SLC38A1: variants seen among roughly 807,000 people sequenced by gnomAD.
The protein encoded by SLC38A1 is solute carrier family 38 member 1.
In SLC38A1, 18 loss-of-function variants were observed where a neutral mutation model predicts 60.3. That is an observed-to-expected ratio of 0.30 (90% confidence interval 0.21 to 0.44). The LOEUF (loss-of-function observed/expected upper bound fraction) is 0.44, where lower values mean the gene tolerates loss of function less well. Among genes scored for constraint, SLC38A1 ranks in the 20% least tolerant of loss-of-function variants. The probability of loss-of-function intolerance (pLI) is 1.00; values close to 1 mark genes in which losing one functional copy is unlikely to be tolerated. For missense variants in SLC38A1, 448 were observed against 587.2 expected (o/e 0.76, Z 2.45); for synonymous variants, 196 against 212.1 (o/e 0.92, Z 0.66).
chr12:46,263,458 A>C (rs185506903), intron 1 of SLC38A1, among the ~76,000 whole-genome samples: 2 of 152,302 alleles, frequency 1.3e-5, no homozygotes, highest in Admixed American at 1.3e-4. Flanking sequence ...GTTGGCAACT[A>C]ATTTCAAATA....
intron 6 of SLC38A1, among the ~76,000 whole-genome samples, chr12:46,208,170 A>T (rs1338954229): frequency 6.6e-6 from 1 of 152,230 alleles, no homozygotes; most frequent in Non-Finnish European, 1.5e-5. Flanking sequence ...ATGTAGTTCA[A>T]ATACATGCAA....
intron 3 of SLC38A1, among the ~76,000 whole-genome samples, chr12:46,236,180 T>C (rs1302287840): frequency 1.3e-5 from 2 of 152,206 alleles, no homozygotes; most frequent in Non-Finnish European, 2.9e-5. Flanking sequence ...TTGGAAAAAT[T>C]AAGTAACTTG....
intron 1 of SLC38A1, chr12:46,254,857 A>G (rs1175537452): frequency 6.5e-6 from 1 of 153,184 alleles, no homozygotes; most frequent in African/African-American, 2.4e-5. Flanking sequence ...AGAGAAACAA[A>G]CATGCTCCAA....
At chr12:46,205,186 G>T (rs564282326) in intron 9 of SLC38A1, among the ~76,000 whole-genome samples, 110 of 152,064 alleles carry the variant, frequency 7.2e-4, no homozygotes, top group African/African-American at 2.6e-3. Flanking sequence ...GTAGCCTCTC[G>T]GGACTGCATT....
chr12:46,230,579 TAGAC>T (rs1941036791), intron 3 of SLC38A1, among the ~76,000 whole-genome samples: 1 of 152,156 alleles, frequency 6.6e-6, no homozygotes, highest in Non-Finnish European at 1.5e-5. Context: ...CAATAGATGT[TAGAC>T]AGTCTTCTCC....
intron 1 of SLC38A1, among the ~76,000 whole-genome samples, chr12:46,254,388 A>T (rs993371110): frequency 1.3e-5 from 2 of 152,208 alleles, no homozygotes; most frequent in Non-Finnish European, 2.9e-5. Flanking sequence ...ACTAAAGACA[A>T]ATCATAGTAA....
rs761338947 is a variant in SLC38A1 at position 46,239,783 on chromosome 12, A to C, written c.18T>G (p.Ser6Arg). The C allele has an allele frequency of 1.2e-6, 2 of 1,613,036 alleles. No individual in the cohort carries two copies. Among genetic ancestry groups the C allele is most frequent in the Admixed American group, 3.3e-5 (2 of 60,006 alleles). The change falls in exon 3 of 17, where the codon AGT becomes AGG. Residue 6 changes from serine (S) to arginine (R), a missense_variant. By Grantham distance (110) the Ser-to-Arg change is moderately radical. Coordinates refer to ENST00000398637, the MANE Select transcript of SLC38A1 (RefSeq NM_030674.4). The stretch of plus-strand genomic sequence containing the variant: ...TTTGCAACTCAGTTAATTCGAGTCC[A>C]CTTTTGAAATGCATCATGATTAGAA... MMHFK[S>R]GLELTELQNM...
At position 46,197,587 on chromosome 12, in the gene SLC38A1, T is replaced by A. The variant is rs147818061; in HGVS notation, c.1362+133A>T. On this transcript the variant is annotated intron_variant, in intron 16 of 16. Coordinates refer to ENST00000398637, the MANE Select transcript of SLC38A1 (RefSeq NM_030674.4). Reference sequence around the variant, plus strand: ...TATGATATTTTAAATATCTCCCAAGTAGCAAAGCTACAGGGCTTCTGCCTC... The same window carrying A: ...TATGATATTTTAAATATCTCCCAAGAAGCAAAGCTACAGGGCTTCTGCCTC... The A allele has an allele frequency of 4.6e-4, 308 of 674,790 alleles. 3 individuals carry two copies. In the African/African-American group the frequency reaches 5.0e-3, roughly 11 times the overall value. 41.8% of individuals were successfully genotyped at this position (674,790 alleles called of 1,614,324 possible). A position where few individuals can be genotyped will look rare whatever the true frequency, so the allele number is the denominator to read the frequency against.
rs1370639939 is a variant in SLC38A1 at position 46,186,679 on chromosome 12, C to T, written c.*2291G>A. The T allele has an allele frequency of 6.6e-6, 1 of 152,154 alleles. No homozygotes were observed. The highest frequency in any genetic ancestry group is 1.5e-5 in the Non-Finnish European group (1 of 68,014). 9.4% of individuals were successfully genotyped at this position (152,154 alleles called of 1,614,324 possible). On this transcript the variant is annotated 3_prime_UTR_variant, in exon 17 of 17. Coordinates refer to ENST00000398637, the MANE Select transcript of SLC38A1 (RefSeq NM_030674.4). The stretch of plus-strand genomic sequence containing the variant: ...ATATGGGTGGTGTCACACAGATCAA[C>T]AACACTGTGCCTCCTCTAAATAAAT...
rs1592084323 is a variant in SLC38A1, at chr12:46,207,190, G to A, written c.528C>T (p.Ala176=). Residue 176 remains alanine (A), a synonymous_variant, in exon 8 of 17, where the codon GCC becomes GCT. Transcript: ENST00000398637. Reference sequence around the variant, plus strand: ...CTTCCTTTCCCATTAGAAACTTTATGGCAGAGGGTAGTTCATTTTTTACGA... The same window carrying A: ...CTTCCTTTCCCATTAGAAACTTTATAGCAGAGGGTAGTTCATTTTTTACGA... ...LFIVKNELPS[A]IKFLMGKEET... is the part of the protein sequence containing the mutation. The A allele has an allele frequency of 6.2e-7, 1 of 1,613,048 alleles. No individual in the cohort carries two copies. Among genetic ancestry groups the A allele is most frequent in the Non-Finnish European group, 8.5e-7 (1 of 1,179,452 alleles).
intron 16 of SLC38A1, chr12:46,196,198 G>A (rs1156785519): frequency 6.5e-7 from 1 of 1,535,990 alleles, no homozygotes; most frequent in Non-Finnish European, 8.7e-7. Context: ...AGCATGTTCA[G>A]TGAGAGCGCT....
chr12:46,246,983 T>G (rs1941642487), intron 1 of SLC38A1, among the ~76,000 whole-genome samples: 1 of 152,068 alleles, frequency 6.6e-6, no homozygotes. Context: ...GGGAATAGCA[T>G]CAACATCAAC....
At chr12:46,201,065 A>C (rs1458166703) in intron 13 of SLC38A1, 33 bp downstream of exon 13, 2 of 1,412,106 alleles carry the variant, frequency 1.4e-6, no homozygotes, top group Non-Finnish European at 2.0e-6. Context: ...GTTTACAAAT[A>C]TTTATATTTA....
intron 5 of SLC38A1, among the ~76,000 whole-genome samples, chr12:46,219,099 G>T (rs1462660041): frequency 6.6e-6 from 1 of 152,208 alleles, no homozygotes; most frequent in East Asian, 1.9e-4. Context: ...TCCTGCAAAG[G>T]CAGACTGGAC....
At chr12:46,227,369 A>T (rs994522675) in intron 5 of SLC38A1, among the ~76,000 whole-genome samples, 3 of 152,232 alleles carry the variant, frequency 2.0e-5, no homozygotes, top group African/African-American at 7.2e-5. Context: ...CAAAGAAGAG[A>T]GGTAGAGGAA....
At chr12:46,255,494 A>G (rs1168192695) in intron 1 of SLC38A1, among the ~76,000 whole-genome samples, 2 of 152,202 alleles carry the variant, frequency 1.3e-5, no homozygotes, top group Non-Finnish European at 2.9e-5. Flanking sequence ...TTAAACCTTC[A>G]GCTTTATTCT....
At chr12:46,250,598 T>C (rs1197612685) in intron 1 of SLC38A1, among the ~76,000 whole-genome samples, 2 of 152,152 alleles carry the variant, frequency 1.3e-5, no homozygotes, top group Admixed American at 6.6e-5. Context: ...CCCTTCATCT[T>C]AGCCCAAAAT....
chr12:46,251,375 C>G (rs1321200102), intron 1 of SLC38A1, among the ~76,000 whole-genome samples: 7 of 152,112 alleles, frequency 4.6e-5, no homozygotes, highest in Admixed American at 3.9e-4. Flanking sequence ...AGTGTTAGAC[C>G]TGAAACCATA....
At chr12:46,251,205 T>A (rs182046811) in intron 1 of SLC38A1, among the ~76,000 whole-genome samples, 41 of 152,290 alleles carry the variant, frequency 2.7e-4, no homozygotes, top group Admixed American at 7.2e-4. Context: ...TCTACAACCA[T>A]CTGATCTTTG....
Sources: allele counts gnomAD v4.1 joint callset (sites outside exome capture counted in the v4.1 genomes callset), GRCh38; gene constraint gnomAD v4.1.1; transcripts MANE v1.5; gene names NCBI Gene and HGNC (gene_info 2026-07-23, HGNC 2026-07-21).